The following FAF1 variants were observed in gnomAD, a reference collection of about 807,000 sequenced individuals.
FAF1 encodes FAS-associated factor 1.
FAF1 carries 25 observed loss-of-function variants against 92.5 expected under a neutral mutation model. The observed-to-expected ratio is 0.27, with a 90% confidence interval of 0.20 to 0.38. FAF1 has a LOEUF of 0.38. FAF1 is among the 10% of genes least tolerant of loss of function. FAF1 has a pLI of 1.00. For synonymous variants in FAF1, 234 were observed against 273.2 expected, an observed-to-expected ratio of 0.86 and a Z score of 1.42; for missense variants, 636 against 793.3, an observed-to-expected ratio of 0.80 and a Z score of 2.38.
At chr1:50,772,713 G>T (rs1229912298) in intron 4 of FAF1, among the ~76,000 whole-genome samples, 1 of 152,076 alleles carries the variant, frequency 6.6e-6, no homozygotes, top group Non-Finnish European at 1.5e-5. Context: ...GTGGAGAGTG[G>T]GAGGAGGGTG....
At chr1:50,561,898 TTGTGTAAA>T (rs1649932758) in intron 13 of FAF1, among the ~76,000 whole-genome samples, 1 of 107,184 alleles carries the variant, frequency 9.3e-6, no homozygotes, top group Non-Finnish European at 2.2e-5. Context: ...AGGAAGGAAG[TTGTGTAAA>T]CCAATGGGAT....
At chr1:50,705,707 A>G in intron 7 of FAF1, 79 bp downstream of exon 7, 1 of 739,256 alleles carries the variant, frequency 1.4e-6, no homozygotes, top group Non-Finnish European at 2.3e-6. Flanking sequence ...TCCAACCAGA[A>G]CAGATAAGCC....
At chr1:50,926,806 A>T (rs1410223870) in intron 1 of FAF1, among the ~76,000 whole-genome samples, 1 of 152,234 alleles carries the variant, frequency 6.6e-6, no homozygotes, top group African/African-American at 2.4e-5. Flanking sequence ...GAGTCAAGAC[A>T]TATTTATCCA....
chr1:50,685,273 G>T (rs573197327), intron 7 of FAF1, among the ~76,000 whole-genome samples: 2 of 152,302 alleles, frequency 1.3e-5, no homozygotes, highest in East Asian at 3.9e-4. Context: ...AAGTATTCTA[G>T]AGTTAATAAA....
At chr1:50,511,136 C>A (rs1647129008) in intron 15 of FAF1, among the ~76,000 whole-genome samples, 1 of 152,194 alleles carries the variant, frequency 6.6e-6, no homozygotes, top group Non-Finnish European at 1.5e-5. Context: ...TGGTAGTAGT[C>A]ATCTCTTCAC....
At chr1:50,941,105 C>A (rs1472060922) in intron 1 of FAF1, among the ~76,000 whole-genome samples, 1 of 151,272 alleles carries the variant, frequency 6.6e-6, no homozygotes, top group Admixed American at 6.6e-5. Context: ...AATCTTGACT[C>A]GCTGCAACCT....
chr1:50,492,853 C>T (rs1218625178), intron 15 of FAF1, among the ~76,000 whole-genome samples: 2 of 152,128 alleles, frequency 1.3e-5, no homozygotes. Context: ...AATAATTCAA[C>T]TAATTCCTAA....
intron 17 of FAF1, among the ~76,000 whole-genome samples, chr1:50,486,906 G>GTA (rs1370120916): frequency 3.9e-5 from 6 of 152,126 alleles, no homozygotes; most frequent in Non-Finnish European, 5.9e-5. Context: ...CTTTCTTGGA[G>GTA]TATATATATT....
At chr1:50,885,324 ACTCT>A (rs1341216464) in intron 1 of FAF1, among the ~76,000 whole-genome samples, 9 of 102,202 alleles carry the variant, frequency 8.8e-5, no homozygotes, top group South Asian at 3.2e-4. Flanking sequence ...ACACACACAC[ACTCT>A]CTCTCTCTCT....
chr1:50,475,328 T>C (rs1196738879), intron 18 of FAF1, 136 bp downstream of exon 18: 2 of 662,438 alleles, frequency 3.0e-6, no homozygotes, highest in Non-Finnish European at 5.3e-6. Flanking sequence ...GAGAATGGTG[T>C]GCAGAACAAA....
rs1557588258 is a variant in FAF1, at chr1:50,916,897, A to T, written c.45+42870T>A. Among the ~76,000 whole-genome samples, 3 of 152,358 alleles carry T rather than the reference A, an allele frequency of 2.0e-5. No individual in the cohort carries two copies. In the East Asian group the frequency reaches 5.8e-4, roughly 29 times the overall value. On this transcript the variant is annotated intron_variant, in intron 1 of 18. Coordinates refer to ENST00000396153, the MANE Select transcript of FAF1 (RefSeq NM_007051.3). ...ATAAAAAGCAGATAGATCAAAGGAA[A>T]TTAAAGATAAGGAGAAATGAACCAA...
intron 1 of FAF1, among the ~76,000 whole-genome samples, chr1:50,951,695 A>C (rs1346702014): frequency 6.6e-6 from 1 of 152,230 alleles, no homozygotes; most frequent in Admixed American, 6.5e-5. Flanking sequence ...TTAATAAATA[A>C]AGAGGACAGA....
At chr1:50,562,294 A>T (rs1204843632) in intron 13 of FAF1, among the ~76,000 whole-genome samples, 1 of 152,186 alleles carries the variant, frequency 6.6e-6, no homozygotes, top group Non-Finnish European at 1.5e-5. Flanking sequence ...CATTAACAAA[A>T]CATCTTCTTT....
chr1:50,760,842 C>T (rs1660295775), intron 4 of FAF1, among the ~76,000 whole-genome samples: 1 of 152,116 alleles, frequency 6.6e-6, no homozygotes, highest in Admixed American at 6.5e-5. Context: ...AAAATCAGAG[C>T]AGAACTGAAG....
rs545714080 is a variant in FAF1, at chr1:50,953,530, G to C, written c.45+6237C>G. ...CAGTGGGTGGATCAACTGAGGTCAG[G>C]AGTTTGGGACCAGCCTGGCCAAGAT... On this transcript the variant is annotated intron_variant, in intron 1 of 18. Transcript: ENST00000396153. Among the ~76,000 whole-genome samples, 4 of 152,216 alleles carry C rather than the reference G, an allele frequency of 2.6e-5. No homozygotes were observed. In the South Asian group the frequency reaches 8.3e-4, roughly 32 times the overall value.
At chr1:50,825,877 T>C (rs974968306) in intron 2 of FAF1, among the ~76,000 whole-genome samples, 1 of 152,136 alleles carries the variant, frequency 6.6e-6, no homozygotes, top group African/African-American at 2.4e-5. Flanking sequence ...AAATAGAGAA[T>C]GCTTCTATAC....
chr1:50,759,837 C>A (rs527437311), intron 4 of FAF1, among the ~76,000 whole-genome samples: 15 of 152,130 alleles, frequency 9.9e-5, no homozygotes, highest in African/African-American at 3.6e-4. Flanking sequence ...TTTTAATGAT[C>A]GTCATTCTAA....
rs749056469 is a variant in FAF1 at position 50,926,191 on chromosome 1, T to A, written c.45+33576A>T. ...ATGATCACACTACTGCACTCCAGCCTGGGCAACAGAAAGATCCTGTCTCTA... is the reference window on the plus strand; with the variant it reads ...ATGATCACACTACTGCACTCCAGCCAGGGCAACAGAAAGATCCTGTCTCTA... On this transcript the variant is annotated intron_variant, in intron 1 of 18. Coordinates refer to ENST00000396153, the MANE Select transcript of FAF1 (RefSeq NM_007051.3). Among the ~76,000 whole-genome samples, 4 of 152,104 alleles carry A rather than the reference T, an allele frequency of 2.6e-5. No homozygotes were observed. In the East Asian group the frequency reaches 5.8e-4, roughly 22 times the overall value.
intron 2 of FAF1, among the ~76,000 whole-genome samples, chr1:50,832,717 T>C (rs1202527301): frequency 6.6e-6 from 1 of 152,234 alleles, no homozygotes; most frequent in African/African-American, 2.4e-5. Flanking sequence ...GTCTTTATGC[T>C]GTTTCTGACT....
Sources: gnomAD v4.1 joint callset for allele counts (sites outside exome capture counted in the v4.1 genomes callset) on GRCh38, gnomAD v4.1.1 for gene constraint, MANE v1.5 for transcripts, NCBI Gene and HGNC (gene_info 2026-07-23, HGNC 2026-07-21) for gene names.